The following SCHIP1 variants were observed in gnomAD, a reference collection of about 807,000 sequenced individuals.
The protein encoded by SCHIP1 is schwannomin interacting protein 1.
SCHIP1 carries 8 observed loss-of-function variants against 29.7 expected under a neutral mutation model. The ratio of observed to expected loss-of-function variants is 0.27; its 90% confidence interval spans 0.16 to 0.49. The LOEUF (loss-of-function observed/expected upper bound fraction) is 0.49, where lower values mean the gene tolerates loss of function less well. Ranked by LOEUF, SCHIP1 falls within the 20% of genes least tolerant of loss-of-function variation. The pLI, the probability that SCHIP1 is intolerant of heterozygous loss-of-function variation, is 0.99. For synonymous variants in SCHIP1, 76 were observed against 94.9 expected, an observed-to-expected ratio of 0.80 and a Z score of 1.16; for missense variants, 193 against 294.6, an observed-to-expected ratio of 0.66 and a Z score of 2.52.
the SCHIP1 span, among the ~76,000 whole-genome samples, chr3:159,422,458 A>C: frequency 1.3e-5 from 2 of 152,220 alleles, no homozygotes; most frequent in African/African-American, 4.8e-5. Flanking sequence ...CTGTTTATTA[A>C]ATCTTTTATT....
At chr3:159,581,728 C>A in the SCHIP1 span, among the ~76,000 whole-genome samples, 1 of 152,154 alleles carries the variant, frequency 6.6e-6, no homozygotes, top group Admixed American at 6.5e-5. Flanking sequence ...GATTTCAAGA[C>A]TACAAGTAAA....
chr3:159,477,920 C>CTT, the SCHIP1 span, among the ~76,000 whole-genome samples: 2,474 of 98,126 alleles, frequency 0.025, 119 homozygotes, highest in African/African-American at 0.048. Context: ...CATTTTAAAT[C>CTT]TTTTTTTTTT....
chr3:159,750,142 A>T, the SCHIP1 span, among the ~76,000 whole-genome samples: 1 of 151,740 alleles, frequency 6.6e-6, no homozygotes, highest in African/African-American at 2.4e-5. Flanking sequence ...TTGACATCAT[A>T]TACTAAATTT....
At chr3:159,296,141 C>CT in the SCHIP1 span, among the ~76,000 whole-genome samples, 51,634 of 144,322 alleles carry the variant, frequency 0.36, 9,372 homozygotes, top group Non-Finnish European at 0.42. Context: ...GCTTGCTGCT[C>CT]TTTTTTTTTT....
At chr3:159,712,590 T>A in the SCHIP1 span, among the ~76,000 whole-genome samples, 1 of 151,000 alleles carries the variant, frequency 6.6e-6, no homozygotes, top group South Asian at 2.1e-4. Context: ...TGGTGGCACA[T>A]CTGTGGTCCC....
At chr3:159,514,915 A>G in the SCHIP1 span, among the ~76,000 whole-genome samples, 2 of 152,162 alleles carry the variant, frequency 1.3e-5, no homozygotes, top group African/African-American at 4.8e-5. Context: ...TAGTAATGAC[A>G]GCCTTAACCT....
intron 2 of SCHIP1, among the ~76,000 whole-genome samples, chr3:159,884,357 G>GTGTGTGTC (rs1716755393): frequency 1.3e-5 from 2 of 148,588 alleles, no homozygotes; most frequent in African/African-American, 4.9e-5. Flanking sequence ...GTCTGTGTGT[G>GTGTGTGTC]TGTGTGTGTG....
At chr3:159,549,527 C>T in the SCHIP1 span, among the ~76,000 whole-genome samples, 2 of 152,024 alleles carry the variant, frequency 1.3e-5, no homozygotes, top group African/African-American at 4.8e-5. Context: ...TTGCTCTTCC[C>T]TCACACACGC....
the SCHIP1 span, among the ~76,000 whole-genome samples, chr3:159,659,645 TAAG>T: frequency 1.3e-5 from 2 of 152,324 alleles, no homozygotes; most frequent in South Asian, 2.1e-4. Context: ...TCAATTGTGC[TAAG>T]AAGACTGACA....
At chr3:159,500,506 G>A in the SCHIP1 span, among the ~76,000 whole-genome samples, 3 of 152,106 alleles carry the variant, frequency 2.0e-5, no homozygotes, top group Non-Finnish European at 4.4e-5. Flanking sequence ...GAGGTCAGGA[G>A]ATCGAGACCA....
the SCHIP1 span, among the ~76,000 whole-genome samples, chr3:159,567,451 T>C: frequency 6.6e-6 from 1 of 152,270 alleles, no homozygotes; most frequent in South Asian, 2.1e-4. Flanking sequence ...TGGCCTAACA[T>C]TTTAGTTTTT....
chr3:159,441,602 G>A, the SCHIP1 span, among the ~76,000 whole-genome samples: 2 of 152,020 alleles, frequency 1.3e-5, no homozygotes, highest in Admixed American at 6.6e-5. Flanking sequence ...TACCTGATGG[G>A]ATTTACATGG....
At chr3:159,350,056 G>A in the SCHIP1 span, among the ~76,000 whole-genome samples, 4 of 152,290 alleles carry the variant, frequency 2.6e-5, no homozygotes, top group East Asian at 7.7e-4. Context: ...TTTTCAGATT[G>A]CTGAAAATCC....
At chr3:159,538,183 T>C in the SCHIP1 span, among the ~76,000 whole-genome samples, 1 of 152,062 alleles carries the variant, frequency 6.6e-6, no homozygotes, top group Non-Finnish European at 1.5e-5. Flanking sequence ...AATCTAAGCA[T>C]TACCAAAATT....
chr3:159,392,392 T>C, the SCHIP1 span, among the ~76,000 whole-genome samples: 2 of 152,130 alleles, frequency 1.3e-5, no homozygotes, highest in Non-Finnish European at 2.9e-5. Context: ...ACAAGTGCCA[T>C]GCTGGTGCGC....
the SCHIP1 span, among the ~76,000 whole-genome samples, chr3:159,394,990 A>C: frequency 1.0e-3 from 156 of 152,350 alleles, 2 homozygotes; most frequent in South Asian, 0.024. Context: ...TCACAAATTC[A>C]GATCCTGTTA....
the SCHIP1 span, among the ~76,000 whole-genome samples, chr3:159,603,492 A>G: frequency 1.3e-5 from 2 of 152,154 alleles, no homozygotes; most frequent in Admixed American, 6.5e-5. Context: ...TCCATCCTGA[A>G]GCTATCTAGG....
chr3:159,779,296 T>C, the SCHIP1 span, among the ~76,000 whole-genome samples: 1 of 152,170 alleles, frequency 6.6e-6, no homozygotes, highest in African/African-American at 2.4e-5. Context: ...ATGTTCAATA[T>C]TTGTTGACTG....
chr3:159,592,398 C>T, the SCHIP1 span, among the ~76,000 whole-genome samples: 2 of 151,680 alleles, frequency 1.3e-5, no homozygotes, highest in East Asian at 1.9e-4. Context: ...ATTGGATAAG[C>T]CTTCCAAACT....
Sources: allele counts gnomAD v4.1 joint callset (sites outside exome capture counted in the v4.1 genomes callset), GRCh38; gene constraint gnomAD v4.1.1; transcripts MANE v1.5; gene names NCBI Gene and HGNC (gene_info 2026-07-23, HGNC 2026-07-21).